EAPP: variants seen among roughly 807,000 people sequenced by gnomAD.
EAPP encodes E2F associated phosphoprotein.
In EAPP, 38 loss-of-function variants were observed where a neutral mutation model predicts 34.3. That is an observed-to-expected ratio of 1.11 (90% CI 0.85 to 1.45). The LOEUF (loss-of-function observed/expected upper bound fraction) is 1.45, where lower values mean the gene tolerates loss of function less well. Ranked by LOEUF, EAPP falls within the 40% of genes most tolerant of loss-of-function variation. The pLI, the probability that EAPP is intolerant of heterozygous loss-of-function variation, is 0.00. For synonymous variants in EAPP, 113 were observed against 117.6 expected (o/e 0.96, Z 0.25); for missense variants, 338 against 343.7 (o/e 0.98, Z 0.13).
At position 34,538,829 on chromosome 14, in the gene EAPP, G is replaced by C. The variant is rs544744625; in HGVS notation, c.74+726C>G. On this transcript the variant is annotated intron_variant, in intron 1 of 5. Coordinates refer to ENST00000250454, the MANE Select transcript of EAPP (RefSeq NM_018453.4). Reference sequence around the variant, plus strand: ...CTTAAGAAATAACTAAATTTGTGTGGAAATATCTCGGCAAAACAGCTTCAA... The same window carrying C: ...CTTAAGAAATAACTAAATTTGTGTGCAAATATCTCGGCAAAACAGCTTCAA... Among the ~76,000 whole-genome samples the C allele has an allele frequency of 1.3e-4, 20 of 152,274 alleles. No individual in the cohort carries two copies. The South Asian group carries it at 4.1e-3, about 32-fold the overall frequency.
At chr14:34,530,994 A>T in intron 3 of EAPP, among the ~76,000 whole-genome samples, 1 of 151,858 alleles carries the variant, frequency 6.6e-6, no homozygotes. Flanking sequence ...CCATCTACAT[A>T]CACTAGACTT....
chr14:34,520,230 G>A (rs185336667), intron 5 of EAPP, among the ~76,000 whole-genome samples: 342 of 147,334 alleles, frequency 2.3e-3, no homozygotes, highest in African/African-American at 6.4e-3. Context: ...CTTTTTTTGA[G>A]ACAGAGTCTC....
intron 4 of EAPP, among the ~76,000 whole-genome samples, chr14:34,527,042 T>C (rs1033174882): frequency 7.3e-5 from 11 of 151,436 alleles, no homozygotes; most frequent in African/African-American, 2.4e-4. Flanking sequence ...CAGTGGCACA[T>C]GCCTGTAATC....
At chr14:34,536,031 A>C in intron 2 of EAPP, 63 bp downstream of exon 2, 1 of 1,236,240 alleles carries the variant, frequency 8.1e-7, no homozygotes. Flanking sequence ...AGAAGAGCAC[A>C]AATAAGGTTC....
At chr14:34,516,696 C>T (rs1195303334) in intron 5 of EAPP, 110 bp from the exon 6 acceptor site, 1 of 1,108,456 alleles carries the variant, frequency 9.0e-7, no homozygotes, top group South Asian at 1.6e-5. Context: ...CAACCAAAGA[C>T]AAGACACAGG....
At chr14:34,539,185 T>C in intron 1 of EAPP, 2 of 406,174 alleles carry the variant, frequency 4.9e-6, no homozygotes, top group Non-Finnish European at 9.5e-6. Flanking sequence ...TTATACTATG[T>C]TATATAGGTT....
In EAPP at chr14:34,536,135, G is replaced by T. The variant is rs756679003; in HGVS notation, c.215C>A (p.Thr72Asn). ...TAACTTGTCCTCCATTGTTTTCATGGTAGAATTTAATTCAGCTTCCATCTC... is the reference window on the plus strand; with the variant it reads ...TAACTTGTCCTCCATTGTTTTCATGTTAGAATTTAATTCAGCTTCCATCTC... Reference protein sequence around the residue: ...EKEMEAELNSTMKTMEDKLSS... With the variant: ...EKEMEAELNSNMKTMEDKLSS... The change falls in exon 2 of 6, where the codon ACC becomes AAC. Residue 72 changes from threonine to asparagine, a missense_variant. Coordinates refer to ENST00000250454, the MANE Select transcript of EAPP (RefSeq NM_018453.4). The T allele has an allele frequency of 5.0e-6, 8 of 1,612,184 alleles. No individual in the cohort carries two copies.
At chr14:34,532,075 C>CA (rs757235021) in intron 3 of EAPP, among the ~76,000 whole-genome samples, 437 of 66,734 alleles carry the variant, frequency 6.5e-3, no homozygotes, top group Admixed American at 0.016. Flanking sequence ...GACTCCGTCT[C>CA]AAAAAAAAAA....
chr14:34,538,163 A>C (rs1880536902), intron 1 of EAPP, among the ~76,000 whole-genome samples: 2 of 152,142 alleles, frequency 1.3e-5, no homozygotes, highest in Admixed American at 6.6e-5. Context: ...AGATTGCCTA[A>C]GGTCAGGAGT....
rs932407736 is a variant in EAPP at position 34,536,064 on chromosome 14, A to C, written c.256+30T>G. ...TTCCTGCCCTTACAGAGCTTACAAAAATATATATAAAATTGAACCAAAAGT... is the reference window on the plus strand; with the variant it reads ...TTCCTGCCCTTACAGAGCTTACAAACATATATATAAAATTGAACCAAAAGT... On this transcript the variant is annotated intron_variant, in intron 2 of 5. Transcript: ENST00000250454. 1.0e-5 allele frequency: 16 copies of C among 1,567,598 alleles called. No individual in the cohort carries two copies. The African/African-American group carries it at 2.2e-4, about 22-fold the overall frequency.
In EAPP at chr14:34,516,159, A is replaced by T; in HGVS notation, c.*151T>A. The stretch of plus-strand genomic sequence containing the variant: ...AAAAAAGGAGAGGGTGAGAGATGTA[A>T]GAGATGAATGAAGGTTGACAACTAT... On this transcript the variant is annotated 3_prime_UTR_variant, in exon 6 of 6. Transcript: ENST00000250454. The T allele has an allele frequency of 1.5e-6, 1 of 679,696 alleles. No homozygotes were observed. The highest frequency in any genetic ancestry group is 2.3e-6 in the Non-Finnish European group (1 of 428,256). 42.1% of individuals were successfully genotyped at this position (679,696 alleles called of 1,614,324 possible).
intron 5 of EAPP, among the ~76,000 whole-genome samples, chr14:34,518,221 G>T (rs1879798949): frequency 6.6e-6 from 1 of 151,252 alleles, no homozygotes; most frequent in Non-Finnish European, 1.5e-5. Context: ...GTTTCTTTAT[G>T]GTTTTCTATC....
At chr14:34,524,651 A>ATGTGTG (rs769159699) in intron 5 of EAPP, 46 bp downstream of exon 5, 3 of 1,000,418 alleles carry the variant, frequency 3.0e-6, no homozygotes, top group Non-Finnish European at 4.4e-6. Context: ...TTTAAACAAA[A>ATGTGTG]TATGTATGTG....
chr14:34,535,395 G>A (rs1332364374), intron 2 of EAPP, among the ~76,000 whole-genome samples: 1 of 151,560 alleles, frequency 6.6e-6, no homozygotes, highest in Non-Finnish European at 1.5e-5. Context: ...CTCCCAAAGT[G>A]CTAGGATTAC....
In EAPP at chr14:34,533,460, C is replaced by T. The variant is rs753892925; in HGVS notation, c.336G>A (p.Glu112=). The part of the protein sequence containing the change: ...YDDIYFDSDS[E]DEDRAVQVTK... Reference sequence around the variant, plus strand: ...GTTACTTACCTGCTCTGTCTTCATCCTCGGAATCAGAATCAAAATATATAT... The same window carrying T: ...GTTACTTACCTGCTCTGTCTTCATCTTCGGAATCAGAATCAAAATATATAT... The change falls in exon 3 of 6, where the codon GAG becomes GAA. Residue 112 remains glutamate, a synonymous_variant. Transcript: ENST00000250454. 3 of 1,611,738 alleles carry T rather than the reference C, an allele frequency of 1.9e-6. No individual in the cohort carries two copies. Among genetic ancestry groups the T allele is most frequent in the Non-Finnish European group, 2.5e-6 (3 of 1,179,072 alleles).
At chr14:34,517,248 CTTTTT>C (rs34165039) in intron 5 of EAPP, among the ~76,000 whole-genome samples, 2 of 127,330 alleles carry the variant, frequency 1.6e-5, no homozygotes, top group Non-Finnish European at 3.3e-5. Flanking sequence ...GATTCTATTT[CTTTTT>C]TTTTTTTTTT....
At position 34,526,865 on chromosome 14, in the gene EAPP, C is replaced by G. The variant is rs1252316302; in HGVS notation, c.471-2058G>C. On this transcript the variant is annotated intron_variant, in intron 4 of 5. Transcript: ENST00000250454. ...ACAGTCTGGGCAACACAGCAAGACC[C>G]TGTCTTTAAATTAAAAAAAAAATGA... Among the ~76,000 whole-genome samples, 7 of 113,366 alleles carry G rather than the reference C, an allele frequency of 6.2e-5. No homozygotes were observed. The Admixed American group carries it at 7.2e-4, about 12-fold the overall frequency. The allele number at this position is 113,366 out of a possible 152,430, so 74.4% of individuals were successfully genotyped here.
chr14:34,539,324 G>C (rs1174575750), intron 1 of EAPP: 1 of 683,794 alleles, frequency 1.5e-6, no homozygotes, highest in South Asian at 1.5e-5. Context: ...ATTTACACGC[G>C]GTCCCCCGTG....
chr14:34,521,130 G>A (rs1458908441), intron 5 of EAPP, among the ~76,000 whole-genome samples: 1 of 152,058 alleles, frequency 6.6e-6, no homozygotes, highest in Non-Finnish European at 1.5e-5. Flanking sequence ...GTGCAATGGT[G>A]TGATCTCAGC....
Sources: allele counts gnomAD v4.1 joint callset (sites outside exome capture counted in the v4.1 genomes callset), GRCh38; gene constraint gnomAD v4.1.1; transcripts MANE v1.5; gene names NCBI Gene and HGNC (gene_info 2026-07-23, HGNC 2026-07-21).